Variants in DCTN3 observed in about 807,000 individuals in gnomAD.
DCTN3 encodes dynactin 3 (p22).
In DCTN3, 25 loss-of-function variants were observed where a neutral mutation model predicts 28.4. That is an observed-to-expected ratio of 0.88 (90% CI 0.64 to 1.23). DCTN3 has a LOEUF of 1.23. DCTN3 is among the 50% of genes most tolerant of loss of function. The pLI, the probability that DCTN3 is intolerant of heterozygous loss-of-function variation, is 0.00. For synonymous variants in DCTN3, 81 were observed against 91.4 expected (o/e 0.89, Z 0.65); for missense variants, 229 against 232.0 (o/e 0.99, Z 0.08).
At chr9:34,615,803 A>G (rs7865283) in intron 4 of DCTN3, 126,240 of 367,594 alleles carry the variant, frequency 0.34, 23,570 homozygotes, top group African/African-American at 0.45. Flanking sequence ...CTTGGGAGGC[A>G]AGGTGGGAAG....
chr9:34,616,005 T>A lies in DCTN3; in HGVS notation c.352+25A>T. ...CCACCTACCTCCCCAACCAGAGTAG[T>A]GAAGCTATAACCCCAGAGAGATACC... On this transcript the variant is annotated intron_variant, in intron 4 of 6. Coordinates refer to ENST00000259632, the MANE Select transcript of DCTN3 (RefSeq NM_007234.5). The surrounding 1 kb of genome is among the most constrained non-coding windows in gnomAD (Gnocchi z 4.7). 1 of 1,601,686 alleles carries A rather than the reference T, an allele frequency of 6.2e-7. No homozygotes were observed. Among genetic ancestry groups the A allele is most frequent in the Non-Finnish European group, 8.5e-7 (1 of 1,170,026 alleles).
Position 34,617,312 on chromosome 9 carries a change from C to T in DCTN3, c.268+573G>A, listed in dbSNP as rs558708218. Among the ~76,000 whole-genome samples the T allele has an allele frequency of 5.2e-4, 79 of 152,326 alleles. 1 individual carries two copies. Among genetic ancestry groups the T allele is most frequent in the Middle Eastern group, 3.4e-3 (1 of 294 alleles). On this transcript the variant is annotated intron_variant, in intron 3 of 6. Coordinates refer to ENST00000259632, the MANE Select transcript of DCTN3 (RefSeq NM_007234.5). ...CCATGAGGGCAGGGACTTTCTGGTTCACCACTGTATGCTTCCTCACTTAGG... is the reference window on the plus strand; with the variant it reads ...CCATGAGGGCAGGGACTTTCTGGTTTACCACTGTATGCTTCCTCACTTAGG...
chr9:34,616,045 T>C lies in DCTN3; in HGVS notation c.337A>G (p.Ser113Gly). 5.0e-6 allele frequency: 8 copies of C among 1,614,088 alleles called. No individual in the cohort carries two copies. The highest frequency in any genetic ancestry group is 1.3e-5 in the African/African-American group (1 of 75,020). ...AGAGAGATACCTTTGATGTGAGCAC[T>C]GTCCAGCATGGGCACCAAGGCATTC... The part of the protein sequence containing the change: ...QVNALVPMLD[S>G]AHIKAVPEHA... The change falls in exon 4 of 7, where the codon AGT becomes GGT. Residue 113 changes from serine to glycine, a missense_variant. By Grantham distance (56) the Ser-to-Gly change is moderately conservative (BLOSUM62 0). Transcript: ENST00000259632. The surrounding 1 kb of genome is among the most constrained non-coding windows in gnomAD (Gnocchi z 4.7).
Position 34,616,279 on chromosome 9 carries a change from C to T in DCTN3, c.269-166G>A. On this transcript the variant is annotated intron_variant, in intron 3 of 6. Transcript: ENST00000259632. This position sits in a 1 kb window ranked among gnomAD's most constrained non-coding sequence, Gnocchi z 4.7. ...CTCTAGGTGCACATTTCCATCCTGC[C>T]CCCAACTCTCCTGGATGCCTCAGGT... The T allele has an allele frequency of 1.7e-6, 1 of 579,982 alleles. No homozygotes were observed. 35.9% of individuals were successfully genotyped at this position (579,982 alleles called of 1,614,324 possible).
At chr9:34,613,897 G>A in intron 6 of DCTN3, 26 bp from the exon 7 acceptor site, 1 of 1,614,032 alleles carries the variant, frequency 6.2e-7, no homozygotes, top group Non-Finnish European at 8.5e-7. Flanking sequence ...GGTGAGAATA[G>A]GAATCTGAGT....
chr9:34,615,587 G>A (rs1820405597), intron 4 of DCTN3: 1 of 152,694 alleles, frequency 6.5e-6, no homozygotes, highest in Non-Finnish European at 1.5e-5. Flanking sequence ...TTTAATTGGT[G>A]GATGTGGCAA....
At position 34,617,937 on chromosome 9, in the gene DCTN3, G is replaced by C. The variant is rs1182854183; in HGVS notation, c.216C>G (p.Tyr72Ter). The C allele has an allele frequency of 5.0e-6, 8 of 1,613,826 alleles. No individual in the cohort carries two copies. Among genetic ancestry groups the C allele is most frequent in the Non-Finnish European group, 6.8e-6 (8 of 1,179,866 alleles). The change falls in exon 3 of 7, where the codon TAC becomes TAG. Residue 72 changes from tyrosine (Y) to a stop codon, truncating the protein, a stop_gained. Coordinates refer to ENST00000259632, the MANE Select transcript of DCTN3 (RefSeq NM_007234.5). LOFTEE classifies it high-confidence loss of function. Reference sequence around the variant, plus strand: ...CATCAGGTATGGCAATGCGGTCGATGTACTCAGGATCCAGGTACTTGATCA... The same window carrying C: ...CATCAGGTATGGCAATGCGGTCGATCTACTCAGGATCCAGGTACTTGATCA... ...EDLIKYLDPE[Y>*]IDRIAIPDAS...
chr9:34,620,283 G>A lies in DCTN3; in HGVS notation c.96+86C>T, dbSNP rs192134841. 38 of 1,169,150 alleles carry A rather than the reference G, an allele frequency of 3.3e-5. 1 individual carries two copies. The East Asian group carries it at 9.0e-4, about 28-fold the overall frequency. The allele number at this position is 1,169,150 out of a possible 1,614,324, so 72.4% of individuals were successfully genotyped here. ...TCAAAGGCCGGGCTGCGGAGAACAGGACTGGAGCGGTTGCATCCCGAGGGC... is the reference window on the plus strand; with the variant it reads ...TCAAAGGCCGGGCTGCGGAGAACAGAACTGGAGCGGTTGCATCCCGAGGGC... On this transcript the variant is annotated intron_variant, in intron 1 of 6. Coordinates refer to ENST00000259632, the MANE Select transcript of DCTN3 (RefSeq NM_007234.5).
In DCTN3 at chr9:34,614,745, G is replaced by A. The variant is rs1820383729; in HGVS notation, c.376C>T (p.Leu126=). ...IKAVPEHAAR[L]QRLAQIHIQQ... ...ATGTGGATCTGGGCCAAGCGCTGCAGGCGGGCAGCATGCTCAGGAACGGCT... is the reference window on the plus strand; with the variant it reads ...ATGTGGATCTGGGCCAAGCGCTGCAAGCGGGCAGCATGCTCAGGAACGGCT... The change falls in exon 5 of 7, where the codon CTG becomes TTG. Residue 126 remains leucine (L), a synonymous_variant. Transcript: ENST00000259632. 1 of 1,614,008 alleles carries A rather than the reference G, an allele frequency of 6.2e-7. No individual in the cohort carries two copies. Among genetic ancestry groups the A allele is most frequent in the Admixed American group, 1.7e-5 (1 of 60,014 alleles).
At chr9:34,614,834 A>C (rs758307010) in intron 4 of DCTN3, 66 bp from the exon 5 acceptor site, 410 of 1,586,304 alleles carry the variant, frequency 2.6e-4, no homozygotes, top group Non-Finnish European at 3.2e-4. Context: ...TCAATAGTCT[A>C]TTAGGTCTTT....
rs1265896641 is a variant in DCTN3, at chr9:34,613,602, G to A, written c.*180C>T. On this transcript the variant is annotated 3_prime_UTR_variant, in exon 7 of 7. Transcript: ENST00000259632. The stretch of plus-strand genomic sequence containing the variant: ...AATAAGAACACTGATTGGGGGGAGG[G>A]TGGGTGTTGCAAATTGCAAACCTCA... 1.6e-5 allele frequency: 9 copies of A among 572,490 alleles called. No individual in the cohort carries two copies. Among genetic ancestry groups the A allele is most frequent in the Non-Finnish European group, 2.6e-5 (9 of 340,912 alleles). The allele number at this position is 572,490 out of a possible 1,614,324, so 35.5% of individuals were successfully genotyped here.
At position 34,617,895 on chromosome 9, in the gene DCTN3, G is replaced by A; in HGVS notation, c.258C>T (p.Phe86=). 1 of 1,613,968 alleles carries A rather than the reference G, an allele frequency of 6.2e-7. No homozygotes were observed. The highest frequency in any genetic ancestry group is 8.5e-7 in the Non-Finnish European group (1 of 1,179,878). ...IAIPDASKLQ[F]ILAEEQFILS... The stretch of plus-strand genomic sequence containing the variant: ...GTAGTCCAGCATTACCTGCTAGGAT[G>A]AATTGCAGCTTAGAGGCATCAGGTA... Residue 86 remains phenylalanine (F), a synonymous_variant, in exon 3 of 7, where the codon TTC becomes TTT. Transcript: ENST00000259632.
At position 34,616,176 on chromosome 9, in the gene DCTN3, T is replaced by A. The variant is rs1416707221; in HGVS notation, c.269-63A>T. 7.5e-7 allele frequency: 1 copy of A among 1,332,860 alleles called. No homozygotes were observed. Among genetic ancestry groups the A allele is most frequent in the Non-Finnish European group, 1.1e-6 (1 of 933,030 alleles). 82.6% of individuals were successfully genotyped at this position (1,332,860 alleles called of 1,614,324 possible). ...AACCTGGGCATTGCTAATCAGCCCATGTAAGGGCCTGAGGACCTGGCAAGG... is the reference window on the plus strand; with the variant it reads ...AACCTGGGCATTGCTAATCAGCCCAAGTAAGGGCCTGAGGACCTGGCAAGG... On this transcript the variant is annotated intron_variant, in intron 3 of 6. Coordinates refer to ENST00000259632, the MANE Select transcript of DCTN3 (RefSeq NM_007234.5). The surrounding 1 kb of genome is among the most constrained non-coding windows in gnomAD (Gnocchi z 4.7).
intron 3 of DCTN3, chr9:34,617,519 C>A: frequency 3.2e-6 from 2 of 619,344 alleles, no homozygotes; most frequent in Non-Finnish European, 4.8e-6. Flanking sequence ...AAACTCATGC[C>A]AATACTCTCT....
chr9:34,614,131 A>G, intron 5 of DCTN3, 30 bp from the exon 6 acceptor site: 3 of 1,614,102 alleles, frequency 1.9e-6, no homozygotes. Flanking sequence ...CACAGAAAGG[A>G]ACTGGGCAAA....
intron 6 of DCTN3, 62 bp downstream of exon 6, chr9:34,613,980 G>A (rs769277981): frequency 2.5e-6 from 4 of 1,606,392 alleles, no homozygotes; most frequent in Non-Finnish European, 3.4e-6. Context: ...GCTAGAGGTG[G>A]AACAAAAGGA....
rs1045790100 is a variant in DCTN3, at chr9:34,613,594, G to C, written c.*188C>G. On this transcript the variant is annotated 3_prime_UTR_variant, in exon 7 of 7. Transcript: ENST00000259632. The stretch of plus-strand genomic sequence containing the variant: ...GTCACTGAAATAAGAACACTGATTG[G>C]GGGGAGGGTGGGTGTTGCAAATTGC... 6 of 530,342 alleles carry C rather than the reference G, an allele frequency of 1.1e-5. No individual in the cohort carries two copies. The highest frequency in any genetic ancestry group is 5.8e-5 in the African/African-American group (3 of 51,622). 32.9% of individuals were successfully genotyped at this position (530,342 alleles called of 1,614,324 possible).
intron 4 of DCTN3, chr9:34,615,665 A>C (rs1162327544): frequency 5.8e-6 from 1 of 172,098 alleles, no homozygotes; most frequent in East Asian, 1.7e-4. Flanking sequence ...TAATCCCAGC[A>C]CTCTGAGAGG....
At chr9:34,617,412 A>G (rs1406955361) in intron 3 of DCTN3, among the ~76,000 whole-genome samples, 1 of 152,270 alleles carries the variant, frequency 6.6e-6, no homozygotes, top group African/African-American at 2.4e-5. Flanking sequence ...ACCCTAGCTT[A>G]TAGAATGGCT....
Sources: gnomAD v4.1 joint callset for allele counts (sites outside exome capture counted in the v4.1 genomes callset) on GRCh38, gnomAD v4.1.1 for gene constraint, Gnocchi (gnomAD v3.1) non-coding constraint, MANE v1.5 for transcripts, NCBI Gene and HGNC (gene_info 2026-07-23, HGNC 2026-07-21) for gene names.